The following PRKCB variants were observed in gnomAD, a reference collection of about 807,000 sequenced individuals.
PRKCB encodes protein kinase C beta type.
In PRKCB, 13 loss-of-function variants were observed where a neutral mutation model predicts 81.5. The ratio of observed to expected loss-of-function variants is 0.16; its 90% CI spans 0.10 to 0.25. PRKCB has a LOEUF of 0.25. PRKCB is among the 10% of genes least tolerant of loss of function. The probability of loss-of-function intolerance (pLI) is 1.00; values close to 1 mark genes in which losing one functional copy is unlikely to be tolerated. For synonymous variants in PRKCB, 335 were observed against 321.4 expected, an observed-to-expected ratio of 1.04 and a Z score of -0.45; for missense variants, 509 against 875.7, an observed-to-expected ratio of 0.58 and a Z score of 5.29.
intron 12 of PRKCB, among the ~76,000 whole-genome samples, chr16:24,177,846 G>A (rs1398602490): frequency 6.6e-6 from 1 of 152,112 alleles, no homozygotes; most frequent in Non-Finnish European, 1.5e-5. Flanking sequence ...TCTCCTCAAA[G>A]ATTCTATGAG....
At position 24,094,304 on chromosome 16, in the gene PRKCB, A is replaced by T. The variant is rs753204109; in HGVS notation, c.821+7A>T. 1.9e-6 allele frequency: 3 copies of T among 1,613,770 alleles called. No homozygotes were observed. Among genetic ancestry groups the T allele is most frequent in the Non-Finnish European group, 2.5e-6 (3 of 1,179,896 alleles). Reference sequence around the variant, plus strand: ...AAGCCAGTGTTGATGGCTGGTAAGTAAGATTTTGCCTTGAAAGCTACCATA... The same window carrying T: ...AAGCCAGTGTTGATGGCTGGTAAGTTAGATTTTGCCTTGAAAGCTACCATA... On this transcript the variant is annotated splice_region_variant and intron_variant, in intron 7 of 16. Transcript: ENST00000643927.
intron 3 of PRKCB, among the ~76,000 whole-genome samples, chr16:24,006,639 A>T (rs1052614722): frequency 5.3e-5 from 8 of 152,322 alleles, no homozygotes; most frequent in African/African-American, 1.9e-4. Context: ...GAACAACCAG[A>T]CCAGTTCTAT....
chr16:23,878,397 A>G (rs1458532438), intron 2 of PRKCB, among the ~76,000 whole-genome samples: 3 of 152,220 alleles, frequency 2.0e-5, no homozygotes, highest in African/African-American at 7.2e-5. Flanking sequence ...CAAAGCTTAT[A>G]TAACACACGC....
At chr16:23,940,880 A>T (rs533387024) in intron 2 of PRKCB, among the ~76,000 whole-genome samples, 1 of 152,198 alleles carries the variant, frequency 6.6e-6, no homozygotes, top group African/African-American at 2.4e-5. Flanking sequence ...CTCCTCCACT[A>T]TAAAACAGGG....
At chr16:23,981,578 TCCTTTCCTTTCCTTC>T (rs1964703458) in intron 2 of PRKCB, among the ~76,000 whole-genome samples, 1 of 28,422 alleles carries the variant, frequency 3.5e-5, no homozygotes, top group Non-Finnish European at 8.4e-5. Context: ...TCCTTTCTTT[TCCTTTCCTTTCCTTC>T]CCTTCCCTTC....
intron 3 of PRKCB, among the ~76,000 whole-genome samples, chr16:24,025,934 C>G (rs1166292369): frequency 6.6e-6 from 1 of 152,190 alleles, no homozygotes; most frequent in African/African-American, 2.4e-5. Context: ...ATGATACCTT[C>G]TGCATGGCAT....
intron 2 of PRKCB, among the ~76,000 whole-genome samples, chr16:23,910,719 T>C (rs948723405): frequency 1.3e-5 from 2 of 152,178 alleles, no homozygotes; most frequent in Non-Finnish European, 2.9e-5. Context: ...AATTCAGTGG[T>C]TTTAAACATA....
chr16:24,132,465 A>G (rs534114128), intron 9 of PRKCB, among the ~76,000 whole-genome samples: 3 of 152,366 alleles, frequency 2.0e-5, no homozygotes, highest in South Asian at 2.1e-4. Flanking sequence ...GGCAATGTCT[A>G]TGAACAAAAC....
chr16:23,919,166 C>T (rs914969143), intron 2 of PRKCB, among the ~76,000 whole-genome samples: 1 of 152,134 alleles, frequency 6.6e-6, no homozygotes, highest in African/African-American at 2.4e-5. Flanking sequence ...TTTGAGCCTT[C>T]ATCACAGTGT....
At chr16:23,876,209 T>C (rs967329911) in intron 2 of PRKCB, among the ~76,000 whole-genome samples, 2 of 152,170 alleles carry the variant, frequency 1.3e-5, no homozygotes, top group African/African-American at 4.8e-5. Context: ...CACTCACAGA[T>C]CCCACAGCCT....
In PRKCB at chr16:24,000,989, G is replaced by GTT. The variant is rs59302470; in HGVS notation, c.288+12411_288+12412dup. On this transcript the variant is annotated intron_variant, in intron 3 of 16. Coordinates refer to ENST00000643927, the MANE Select transcript of PRKCB (RefSeq NM_002738.7). ...GAGAAAATAATACCTAAATAAAGCG[G>GTT]TTTTTTTTTTTTTGGTAACTATTCA... is the stretch of plus-strand genomic sequence containing the variant. 9.6e-4 allele frequency among the ~76,000 whole-genome samples: 143 copies of GTT among 148,960 alleles called. 1 individual carries two copies. Among genetic ancestry groups the GTT allele is most frequent in the African/African-American group, 2.8e-3 (114 of 40,700 alleles).
At chr16:23,908,922 C>T (rs1963609758) in intron 2 of PRKCB, among the ~76,000 whole-genome samples, 2 of 152,236 alleles carry the variant, frequency 1.3e-5, no homozygotes, top group South Asian at 4.1e-4. Context: ...TGGTGTCACC[C>T]ACCCAGTGGC....
chr16:23,837,773 CCCTT>C (rs1420551193), intron 2 of PRKCB, among the ~76,000 whole-genome samples: 4 of 152,296 alleles, frequency 2.6e-5, no homozygotes, highest in African/African-American at 9.6e-5. Context: ...CTGCCCATGT[CCCTT>C]CCTTATCTCA....
chr16:24,155,456 A>T (rs1396956135), intron 10 of PRKCB, among the ~76,000 whole-genome samples: 1 of 152,218 alleles, frequency 6.6e-6, no homozygotes, highest in Non-Finnish European at 1.5e-5. Flanking sequence ...CCCTGCTTTA[A>T]GTAACCTCTT....
chr16:24,078,998 A>G (rs1342025243), intron 5 of PRKCB, among the ~76,000 whole-genome samples: 1 of 152,206 alleles, frequency 6.6e-6, no homozygotes. Flanking sequence ...CTAAGCCATC[A>G]TATCCCCTGT....
intron 5 of PRKCB, among the ~76,000 whole-genome samples, chr16:24,056,142 T>C (rs531607707): frequency 2.0e-5 from 3 of 152,400 alleles, no homozygotes; most frequent in Admixed American, 2.0e-4. Flanking sequence ...CTTTCAGCCT[T>C]GCAGTAAGTG....
chr16:23,885,700 C>T (rs1424934735), intron 2 of PRKCB, among the ~76,000 whole-genome samples: 15 of 152,182 alleles, frequency 9.9e-5, no homozygotes. Flanking sequence ...AGCTCCTTCC[C>T]CTAGTGTGAA....
intron 2 of PRKCB, among the ~76,000 whole-genome samples, chr16:23,977,409 A>C (rs1964640016): frequency 6.6e-6 from 1 of 152,128 alleles, no homozygotes; most frequent in Non-Finnish European, 1.5e-5. Context: ...CAGCCCCATT[A>C]AATCAGAATC....
At chr16:23,982,651 A>G (rs1169148862) in intron 2 of PRKCB, among the ~76,000 whole-genome samples, 1 of 151,290 alleles carries the variant, frequency 6.6e-6, no homozygotes, top group African/African-American at 2.4e-5. Flanking sequence ...ATGGTCTTGA[A>G]CTCCTGGGCT....
Sources: gnomAD v4.1 joint callset for allele counts (sites outside exome capture counted in the v4.1 genomes callset) on GRCh38, gnomAD v4.1.1 for gene constraint, MANE v1.5 for transcripts, NCBI Gene and HGNC (gene_info 2026-07-23, HGNC 2026-07-21) for gene names.